Variants in IQGAP2 observed in about 807,000 individuals in gnomAD.
IQGAP2 encodes IQ motif containing GTPase activating protein 2.
Under a neutral mutation model 201.3 loss-of-function variants are expected in IQGAP2, and 173 were observed. That is an observed-to-expected ratio of 0.86 (90% confidence interval 0.76 to 0.98). The LOEUF (loss-of-function observed/expected upper bound fraction) is 0.98, where lower values mean the gene tolerates loss of function less well. Among genes scored for constraint, IQGAP2 ranks in the 50% least tolerant of loss-of-function variants. IQGAP2 has a pLI of 0.00. For synonymous variants in IQGAP2, 675 were observed against 673.9 expected, an observed-to-expected ratio of 1.00 and a Z score of -0.03; for missense variants, 1,687 against 1,864.8, an observed-to-expected ratio of 0.90 and a Z score of 1.76.
chr5:76,589,965 T>C (rs1274627216), intron 7 of IQGAP2, among the ~76,000 whole-genome samples: 1 of 152,250 alleles, frequency 6.6e-6, no homozygotes, highest in African/African-American at 2.4e-5. Flanking sequence ...ATACCTTCAT[T>C]GTCCATAGTT....
intron 30 of IQGAP2, among the ~76,000 whole-genome samples, chr5:76,692,897 G>C (rs955192382): frequency 6.6e-6 from 1 of 152,152 alleles, no homozygotes; most frequent in African/African-American, 2.4e-5. Context: ...GGTAACAGTT[G>C]GTCTGGCTCC....
At chr5:76,437,056 C>CT (rs975419424) in intron 1 of IQGAP2, among the ~76,000 whole-genome samples, 15 of 148,916 alleles carry the variant, frequency 1.0e-4, no homozygotes, top group African/African-American at 2.7e-4. Context: ...GGTGTATTAT[C>CT]TTTTTTTTTT....
In IQGAP2 at chr5:76,637,113, T is replaced by C; in HGVS notation, c.1860T>C (p.Ser620=). Residue 620 remains serine, a synonymous_variant, in exon 16 of 36, where the codon AGT becomes AGC. Coordinates refer to ENST00000274364, the MANE Select transcript of IQGAP2 (RefSeq NM_006633.5). ...ATTACAACACTGATTCAAAAGAGAG[T>C]TCCTGGGTCACACCTGAATCATGCT... The part of the protein sequence containing the change: ...DYYYNTDSKE[S]SWVTPESCLY... 6.2e-7 allele frequency: 1 copy of C among 1,610,284 alleles called. No individual in the cohort carries two copies. The highest frequency in any genetic ancestry group is 2.2e-5 in the East Asian group (1 of 44,672).
chr5:76,529,941 G>C lies in IQGAP2; in HGVS notation c.147-32455G>C, dbSNP rs369353730. On this transcript the variant is annotated intron_variant, in intron 2 of 35. Transcript: ENST00000274364. ...AACAGTTTATCATCTCTGAGCAACT[G>C]GTAATCACTCAAACACATGTAAGAA... is the stretch of plus-strand genomic sequence containing the variant. Among the ~76,000 whole-genome samples the C allele has an allele frequency of 1.8e-4, 28 of 152,202 alleles. 2 individuals are homozygous for C. The highest frequency in any genetic ancestry group is 6.7e-4 in the African/African-American group (28 of 41,528).
chr5:76,704,218 G>T (rs1747679075), intron 35 of IQGAP2, among the ~76,000 whole-genome samples: 1 of 152,218 alleles, frequency 6.6e-6, no homozygotes, highest in African/African-American at 2.4e-5. Flanking sequence ...GAAGAGAAAA[G>T]AAGGTGCTTG....
rs1554061585 is a variant in IQGAP2 at position 76,496,764 on chromosome 5, T to TC, written c.146+35096dup. ...TTCTTTCTTTCTTTCTTTCTTTCTT[T>TC]CTTTCTTTCTTTCTTTCTTTCTTTC... On this transcript the variant is annotated intron_variant, in intron 2 of 35. Coordinates refer to ENST00000274364, the MANE Select transcript of IQGAP2 (RefSeq NM_006633.5). 2.5e-4 allele frequency among the ~76,000 whole-genome samples: 28 copies of TC among 110,890 alleles called. 1 individual carries two copies. Among genetic ancestry groups the TC allele is most frequent in the African/African-American group, 1.5e-3 (25 of 16,762 alleles). The allele number at this position is 110,890 out of a possible 152,430, so 72.7% of individuals were successfully genotyped here. A position where few individuals can be genotyped will look rare whatever the true frequency, so the allele number is the denominator to read the frequency against.
chr5:76,445,961 A>G (rs573062811), intron 1 of IQGAP2, among the ~76,000 whole-genome samples: 29 of 152,310 alleles, frequency 1.9e-4, no homozygotes, highest in African/African-American at 6.7e-4. Flanking sequence ...GCGACTGGCT[A>G]ATTTCACTTA....
chr5:76,630,607 T>G (rs902721329), intron 14 of IQGAP2, among the ~76,000 whole-genome samples: 2 of 152,164 alleles, frequency 1.3e-5, no homozygotes, highest in Admixed American at 1.3e-4. Context: ...GAAAATTGCA[T>G]TTTATTGGGT....
chr5:76,599,155 G>A (rs540153748), intron 10 of IQGAP2, among the ~76,000 whole-genome samples: 10 of 152,224 alleles, frequency 6.6e-5, no homozygotes, highest in Non-Finnish European at 1.2e-4. Flanking sequence ...GCTGAGACAG[G>A]AGGATCACTT....
intron 17 of IQGAP2, among the ~76,000 whole-genome samples, chr5:76,641,328 G>A (rs1409686768): frequency 1.3e-5 from 2 of 152,150 alleles, no homozygotes; most frequent in African/African-American, 2.4e-5. Context: ...TAGGAGCACC[G>A]CAGATTTGCA....
At chr5:76,594,424 T>C (rs115340833) in intron 9 of IQGAP2, among the ~76,000 whole-genome samples, 204 of 152,344 alleles carry the variant, frequency 1.3e-3, no homozygotes, top group African/African-American at 4.8e-3. Context: ...GCAAATTTAA[T>C]GCCAAATTGG....
At chr5:76,451,578 C>A (rs979578800) in intron 1 of IQGAP2, among the ~76,000 whole-genome samples, 3 of 152,148 alleles carry the variant, frequency 2.0e-5, no homozygotes, top group Admixed American at 2.0e-4. Context: ...TTTAAAAATA[C>A]GGTAAAACTG....
At chr5:76,606,349 G>A (rs1314252375) in intron 12 of IQGAP2, 46 bp downstream of exon 12, 1 of 1,493,286 alleles carries the variant, frequency 6.7e-7, no homozygotes, top group Admixed American at 2.3e-5. Flanking sequence ...GGAGAAGAAG[G>A]TATCTGGACA....
chr5:76,589,574 C>A, intron 6 of IQGAP2, 41 bp from the exon 7 acceptor site: 2 of 1,140,368 alleles, frequency 1.8e-6, no homozygotes, highest in Non-Finnish European at 1.3e-6. Flanking sequence ...CTGTCTGTAG[C>A]TTTCTCTGAT....
At chr5:76,643,982 C>G (rs1751799818) in intron 17 of IQGAP2, among the ~76,000 whole-genome samples, 1 of 151,166 alleles carries the variant, frequency 6.6e-6, no homozygotes, top group Admixed American at 6.6e-5. Flanking sequence ...CTTGGCTAAC[C>G]GAGATCACAC....
In IQGAP2 at chr5:76,549,521, G is replaced by A. The variant is rs565786844; in HGVS notation, c.147-12875G>A. On this transcript the variant is annotated intron_variant, in intron 2 of 35. Coordinates refer to ENST00000274364, the MANE Select transcript of IQGAP2 (RefSeq NM_006633.5). ...TGAGGAATTTTAGAGGATGATGGGA[G>A]TTGATGTTTTAGCTAGTGTATTAGT... Among the ~76,000 whole-genome samples the A allele has an allele frequency of 5.3e-5, 8 of 152,206 alleles. No homozygotes were observed. The South Asian group carries it at 1.7e-3, about 32-fold the overall frequency.
rs138144600 is a variant in IQGAP2, at chr5:76,559,190, C to T, written c.147-3206C>T. Among the ~76,000 whole-genome samples the T allele has an allele frequency of 2.7e-3, 408 of 152,290 alleles. 2 individuals carry two copies. The highest frequency in any genetic ancestry group is 4.3e-3 in the Non-Finnish European group (292 of 68,014). On this transcript the variant is annotated intron_variant, in intron 2 of 35. Coordinates refer to ENST00000274364, the MANE Select transcript of IQGAP2 (RefSeq NM_006633.5). ...TGATGGGATTACAGGCGTGAGCCAC[C>T]GCACCTGGCCCTCTGTTTTTCAACT... is the stretch of plus-strand genomic sequence containing the variant.
chr5:76,539,346 C>G (rs1414467499), intron 2 of IQGAP2, among the ~76,000 whole-genome samples: 1 of 152,170 alleles, frequency 6.6e-6, no homozygotes, highest in Non-Finnish European at 1.5e-5. Flanking sequence ...GAATCTCTGA[C>G]TCAAAAATGG....
At chr5:76,619,102 C>CTGTCCCACAG (rs1749328506) in intron 13 of IQGAP2, among the ~76,000 whole-genome samples, 1 of 152,184 alleles carries the variant, frequency 6.6e-6, no homozygotes, top group Non-Finnish European at 1.5e-5. Flanking sequence ...TGTGGGCTAT[C>CTGTCCCACAG]ATGGGATCTG....
Sources: gnomAD v4.1 joint callset for allele counts (sites outside exome capture counted in the v4.1 genomes callset) on GRCh38, gnomAD v4.1.1 for gene constraint, MANE v1.5 for transcripts, NCBI Gene and HGNC (gene_info 2026-07-23, HGNC 2026-07-21) for gene names.